CNTLN: variants seen among roughly 807,000 people sequenced by gnomAD.
The protein encoded by CNTLN is centlein, also known as centlein, centrosomal protein.
CNTLN carries 212 observed loss-of-function variants against 180.0 expected under a neutral mutation model. The observed-to-expected ratio is 1.18, with a 90% confidence interval of 1.05 to 1.32. The LOEUF (loss-of-function observed/expected upper bound fraction) is 1.32, where lower values mean the gene tolerates loss of function less well. CNTLN is among the 40% of genes most tolerant of loss of function. The pLI is 0.00. For missense variants in CNTLN, 2,095 were observed against 1,610.9 expected (o/e 1.30, Z -5.14); for synonymous variants, 722 against 563.1 (o/e 1.28, Z -3.99).
the CNTLN span, among the ~76,000 whole-genome samples, chr9:17,524,019 A>G: frequency 2.0e-5 from 3 of 151,948 alleles, no homozygotes; most frequent in Admixed American, 1.3e-4. Context: ...AATGTGTGAA[A>G]TGTTTTCTAA....
Position 17,342,414 on chromosome 9 carries a change from A to G in CNTLN, c.1856A>G (p.Lys619Arg), listed in dbSNP as rs895705001. ...DAVWNELAYF[K>R]RENQELMIQK... ...GTGTGGAATGAACTGGCATATTTCA[A>G]AAGGGAAAACCAGGAGCTAATGATT... The change falls in exon 12 of 26, where the codon AAA becomes AGA. Residue 619 changes from lysine to arginine, a missense_variant. Lys to Arg is a conservative substitution (Grantham distance 26). Coordinates refer to ENST00000380647, the MANE Select transcript of CNTLN (RefSeq NM_017738.4). The G allele has an allele frequency of 3.7e-6, 6 of 1,609,266 alleles. No individual in the cohort carries two copies. The Admixed American group carries it at 6.7e-5, about 18-fold the overall frequency.
chr9:17,161,092 A>G (rs1460254357), intron 2 of CNTLN, among the ~76,000 whole-genome samples: 1 of 152,130 alleles, frequency 6.6e-6, no homozygotes, highest in African/African-American at 2.4e-5. Context: ...AAAAGTTAAA[A>G]AAGTTCTCAC....
At chr9:17,417,425 A>G (rs1303043983) in intron 18 of CNTLN, among the ~76,000 whole-genome samples, 1 of 152,002 alleles carries the variant, frequency 6.6e-6, no homozygotes, top group African/African-American at 2.4e-5. Flanking sequence ...TTGTGCAAAT[A>G]GCAAAGTGAC....
In CNTLN at chr9:17,323,923, G is replaced by A. The variant is rs184278146; in HGVS notation, c.1342-6709G>A. Among the ~76,000 whole-genome samples, 291 of 152,302 alleles carry A rather than the reference G, an allele frequency of 1.9e-3. 2 individuals carry two copies. The highest frequency in any genetic ancestry group is 7.9e-3 in the South Asian group (38 of 4,826). On this transcript the variant is annotated intron_variant, in intron 8 of 25. Coordinates refer to ENST00000380647, the MANE Select transcript of CNTLN (RefSeq NM_017738.4). Reference sequence around the variant, plus strand: ...AATCAGGAATTGAGAGGTGATGACAGCGTTGTTGTTTTTTTCATTACCTGG... The same window carrying A: ...AATCAGGAATTGAGAGGTGATGACAACGTTGTTGTTTTTTTCATTACCTGG...
chr9:17,372,873 A>G (rs1202924975), intron 13 of CNTLN, among the ~76,000 whole-genome samples: 1 of 152,210 alleles, frequency 6.6e-6, no homozygotes, highest in East Asian at 1.9e-4. Flanking sequence ...TGAAGGACAA[A>G]AACCATAGGA....
At chr9:17,236,093 A>T (rs1008819494) in intron 4 of CNTLN, among the ~76,000 whole-genome samples, 13 of 152,116 alleles carry the variant, frequency 8.5e-5, no homozygotes, top group African/African-American at 3.1e-4. Context: ...AATTGATAAA[A>T]CCCAGGTCTG....
chr9:17,206,047 C>G (rs565822231), intron 2 of CNTLN, among the ~76,000 whole-genome samples: 2 of 152,268 alleles, frequency 1.3e-5, no homozygotes, highest in East Asian at 3.9e-4. Context: ...AGTTCATCAA[C>G]TGGGTAGCCA....
intron 19 of CNTLN, among the ~76,000 whole-genome samples, chr9:17,462,068 G>A (rs994782442): frequency 4.6e-5 from 7 of 151,712 alleles, no homozygotes; most frequent in East Asian, 1.9e-4. Flanking sequence ...GTATTCATGA[G>A]GTTTTCTATC....
At chr9:17,253,233 G>T (rs1826262438) in intron 5 of CNTLN, among the ~76,000 whole-genome samples, 1 of 151,656 alleles carries the variant, frequency 6.6e-6, no homozygotes, top group Non-Finnish European at 1.5e-5. Context: ...TTTTGCTCAG[G>T]ATTGCTTTGG....
chr9:17,217,536 G>A (rs1489125621), intron 2 of CNTLN, among the ~76,000 whole-genome samples: 3 of 152,230 alleles, frequency 2.0e-5, no homozygotes, highest in Non-Finnish European at 4.4e-5. Context: ...ACTTTATTCA[G>A]CACAGGCAGG....
intron 2 of CNTLN, among the ~76,000 whole-genome samples, chr9:17,170,144 G>T (rs1820334776): frequency 6.6e-6 from 1 of 152,020 alleles, no homozygotes; most frequent in Admixed American, 6.6e-5. Flanking sequence ...TTTTGATTCT[G>T]TTGTTAATGG....
At chr9:17,400,853 C>T (rs1012700429) in intron 15 of CNTLN, among the ~76,000 whole-genome samples, 2 of 152,084 alleles carry the variant, frequency 1.3e-5, no homozygotes, top group East Asian at 3.9e-4. Flanking sequence ...TGTAGTCTCA[C>T]ATAACAAAGA....
In CNTLN at chr9:17,276,750, C is replaced by A. The variant is rs1326354232; in HGVS notation, c.983+2884C>A. 2.6e-5 allele frequency among the ~76,000 whole-genome samples: 4 copies of A among 152,024 alleles called. No individual in the cohort carries two copies. The East Asian group carries it at 7.7e-4, about 29-fold the overall frequency. The stretch of plus-strand genomic sequence containing the variant: ...TATTTGCACATAACTTATGTGCATC[C>A]TCCTGTATACTTCAAATCTTTAGAT... On this transcript the variant is annotated intron_variant, in intron 6 of 25. Coordinates refer to ENST00000380647, the MANE Select transcript of CNTLN (RefSeq NM_017738.4).
intron 2 of CNTLN, among the ~76,000 whole-genome samples, chr9:17,209,483 T>G (rs1433575977): frequency 6.6e-6 from 1 of 152,212 alleles, no homozygotes; most frequent in Non-Finnish European, 1.5e-5. Context: ...GTTGATTTTC[T>G]GTCTGGATGA....
the CNTLN span, among the ~76,000 whole-genome samples, chr9:17,515,402 T>G: frequency 6.6e-6 from 1 of 152,164 alleles, no homozygotes; most frequent in Non-Finnish European, 1.5e-5. Flanking sequence ...TGACCTTAAG[T>G]ACAATCTATA....
At chr9:17,261,820 T>A (rs1827003876) in intron 5 of CNTLN, among the ~76,000 whole-genome samples, 1 of 151,472 alleles carries the variant, frequency 6.6e-6, no homozygotes, top group Non-Finnish European at 1.5e-5. Context: ...AAGAAAATGT[T>A]TGCAATCTAC....
At chr9:17,210,508 T>C (rs200237297) in intron 2 of CNTLN, among the ~76,000 whole-genome samples, 2 of 152,220 alleles carry the variant, frequency 1.3e-5, no homozygotes, top group East Asian at 1.9e-4. Flanking sequence ...ATTGTGAATA[T>C]TGCCGCAGTG....
intron 2 of CNTLN, among the ~76,000 whole-genome samples, chr9:17,146,310 C>G (rs1818457030): frequency 6.6e-6 from 1 of 151,984 alleles, no homozygotes; most frequent in Non-Finnish European, 1.5e-5. Context: ...TGTTTTCCAT[C>G]TTTTTATCTT....
At chr9:17,188,406 T>C (rs192212192) in intron 2 of CNTLN, among the ~76,000 whole-genome samples, 13 of 152,286 alleles carry the variant, frequency 8.5e-5, no homozygotes, top group African/African-American at 2.9e-4. Context: ...TACATTTATA[T>C]TGACAACATC....
Sources: allele counts gnomAD v4.1 joint callset (sites outside exome capture counted in the v4.1 genomes callset), GRCh38; gene constraint gnomAD v4.1.1; transcripts MANE v1.5; gene names NCBI Gene and HGNC (gene_info 2026-07-23, HGNC 2026-07-21).